The following TRAPPC9 variants were observed in gnomAD, a reference collection of about 807,000 sequenced individuals.
The protein encoded by TRAPPC9 is trafficking protein particle complex subunit 9, also known as IKK2 binding protein.
In TRAPPC9, 83 loss-of-function variants were observed where a neutral mutation model predicts 124.0. The observed-to-expected ratio is 0.67, with a 90% CI of 0.56 to 0.80. TRAPPC9 has a LOEUF of 0.80. Among genes scored for constraint, TRAPPC9 ranks in the 30% least tolerant of loss-of-function variants. The pLI is 0.00. For synonymous variants in TRAPPC9, 638 were observed against 617.5 expected (o/e 1.03, Z -0.49); for missense variants, 1,302 against 1,508.3 (o/e 0.86, Z 2.27).
chr8:139,940,183 G>A (rs1392909761), intron 19 of TRAPPC9, among the ~76,000 whole-genome samples: 1 of 152,148 alleles, frequency 6.6e-6, no homozygotes, highest in African/African-American at 2.4e-5. Flanking sequence ...CAGACACAAG[G>A]AGCGCAGGTG....
chr8:139,886,887 T>A (rs1405708333), intron 20 of TRAPPC9, among the ~76,000 whole-genome samples: 1 of 152,102 alleles, frequency 6.6e-6, no homozygotes, highest in Non-Finnish European at 1.5e-5. Context: ...CCAGGGACAG[T>A]CCTATGGGAA....
At chr8:139,755,278 C>T (rs533779174) in intron 21 of TRAPPC9, among the ~76,000 whole-genome samples, 19 of 150,930 alleles carry the variant, frequency 1.3e-4, no homozygotes, top group South Asian at 4.2e-4. Flanking sequence ...ATGAGGACAG[C>T]GTGTCGCAGG....
intron 17 of TRAPPC9, among the ~76,000 whole-genome samples, chr8:140,085,589 G>A (rs1844135838): frequency 1.3e-5 from 2 of 152,208 alleles, no homozygotes; most frequent in Admixed American, 6.5e-5. Context: ...CCGACGTGCT[G>A]GAGGGAGCCC....
At chr8:140,239,484 CAAGT>C (rs1316273546) in intron 16 of TRAPPC9, among the ~76,000 whole-genome samples, 10 of 152,202 alleles carry the variant, frequency 6.6e-5, no homozygotes, top group East Asian at 3.9e-4. Flanking sequence ...GAACAAAAAA[CAAGT>C]AAGACTCCGG....
At chr8:140,349,819 T>A (rs1338202717) in intron 9 of TRAPPC9, among the ~76,000 whole-genome samples, 3 of 152,092 alleles carry the variant, frequency 2.0e-5, no homozygotes, top group Non-Finnish European at 4.4e-5. Flanking sequence ...GAAGAAGACC[T>A]GATGAGGGTA....
intron 17 of TRAPPC9, among the ~76,000 whole-genome samples, chr8:140,032,821 A>T (rs962931110): frequency 2.0e-5 from 3 of 152,224 alleles, no homozygotes; most frequent in Admixed American, 6.5e-5. Context: ...TGTTCAACTG[A>T]AAGTCGAACC....
rs1448732979 is a variant in TRAPPC9, at chr8:139,729,721, T to C, written c.*1340A>G. Among the ~76,000 whole-genome samples, 7 of 152,218 alleles carry C rather than the reference T, an allele frequency of 4.6e-5. No individual in the cohort carries two copies. The highest frequency in any genetic ancestry group is 1.4e-4 in the African/African-American group (6 of 41,460). ...CTGGGACTTCAGGTCCTCAGGAAGT[T>C]CCCTCAGCCCCGCAGGCCTCCTGAT... On this transcript the variant is annotated 3_prime_UTR_variant, in exon 23 of 23. Transcript: ENST00000438773.
intron 17 of TRAPPC9, among the ~76,000 whole-genome samples, chr8:140,105,252 G>A (rs978864744): frequency 3.3e-5 from 5 of 152,184 alleles, no homozygotes; most frequent in African/African-American, 7.2e-5. Flanking sequence ...AGTGGTTGAC[G>A]CATAATAAAT....
Position 140,176,672 on chromosome 8 carries a change from T to C in TRAPPC9, c.2556+44787A>G, listed in dbSNP as rs73362985. Among the ~76,000 whole-genome samples, 891 of 152,296 alleles carry C rather than the reference T, an allele frequency of 5.9e-3. 10 individuals are homozygous for C. The highest frequency in any genetic ancestry group is 0.02 in the African/African-American group (852 of 41,566). On this transcript the variant is annotated intron_variant, in intron 17 of 22. Transcript: ENST00000438773. ...CGTGTTTTCATTTTCCTAAGGTACA[T>C]AGGGGAGAAGAGGAATTGCTGGGTC...
At position 140,241,890 on chromosome 8, in the gene TRAPPC9, C is replaced by T. The variant is rs964991788; in HGVS notation, c.2431+10887G>A. On this transcript the variant is annotated intron_variant, in intron 16 of 22. Transcript: ENST00000438773. This position sits in a 1 kb window ranked among gnomAD's most constrained non-coding sequence, Gnocchi z 5.0. ...AAGAAGCTGCTCTGACCAGGCCTCACTGCATACTGGGAAAGGAGAGAGCAC... is the reference window on the plus strand; with the variant it reads ...AAGAAGCTGCTCTGACCAGGCCTCATTGCATACTGGGAAAGGAGAGAGCAC... 1.8e-4 allele frequency among the ~76,000 whole-genome samples: 27 copies of T among 152,142 alleles called. No homozygotes were observed. The highest frequency in any genetic ancestry group is 5.3e-4 in the African/African-American group (22 of 41,432).
At chr8:139,784,608 CAT>C (rs34583867) in intron 21 of TRAPPC9, among the ~76,000 whole-genome samples, 3,932 of 88,446 alleles carry the variant, frequency 0.044, 117 homozygotes, top group Admixed American at 0.082. Context: ...AAAAGACTGA[CAT>C]ATATATATAT....
chr8:140,298,796 G>A (rs188183748), intron 11 of TRAPPC9, among the ~76,000 whole-genome samples: 15 of 152,302 alleles, frequency 9.8e-5, no homozygotes, highest in East Asian at 1.9e-4. Flanking sequence ...CTTAAACGTC[G>A]TGAATCAGTT....
At chr8:139,988,692 C>T (rs757676601) in intron 19 of TRAPPC9, 34 bp downstream of exon 19, 2 of 1,432,850 alleles carry the variant, frequency 1.4e-6, no homozygotes, top group African/African-American at 1.4e-5. Context: ...CAGAGGGTGG[C>T]CTGCGGCGGC....
intron 11 of TRAPPC9, among the ~76,000 whole-genome samples, chr8:140,298,874 T>C (rs976206517): frequency 6.6e-5 from 10 of 152,228 alleles, no homozygotes; most frequent in African/African-American, 2.4e-4. Flanking sequence ...CATTCTTTTG[T>C]CACTGCTCCA....
chr8:139,744,401 G>A (rs1323807506), intron 21 of TRAPPC9, among the ~76,000 whole-genome samples: 2 of 152,120 alleles, frequency 1.3e-5, no homozygotes, highest in African/African-American at 2.4e-5. Flanking sequence ...CTGGGAAGGG[G>A]CCTTCTCTCA....
At chr8:140,225,665 T>C (rs1191820877) in intron 16 of TRAPPC9, among the ~76,000 whole-genome samples, 2 of 152,188 alleles carry the variant, frequency 1.3e-5, no homozygotes, top group Non-Finnish European at 2.9e-5. Flanking sequence ...AGCGGACCTC[T>C]AAGCAAGCAT....
chr8:139,836,101 C>A, intron 21 of TRAPPC9, among the ~76,000 whole-genome samples: 1 of 152,128 alleles, frequency 6.6e-6, no homozygotes, highest in East Asian at 1.9e-4. Flanking sequence ...CTCCACTTCC[C>A]AGGTTCAGGT....
At chr8:140,247,966 G>C (rs1005927985) in intron 16 of TRAPPC9, among the ~76,000 whole-genome samples, 5 of 152,006 alleles carry the variant, frequency 3.3e-5, no homozygotes. Flanking sequence ...AGCTCATTAT[G>C]GGTTTTTGTA....
intron 18 of TRAPPC9, among the ~76,000 whole-genome samples, chr8:140,015,465 A>T (rs1839404103): frequency 6.6e-6 from 1 of 152,206 alleles, no homozygotes; most frequent in African/African-American, 2.4e-5. Context: ...CCAAGAGCCG[A>T]AAATGCATAC....
Sources: gnomAD v4.1 joint callset for allele counts (sites outside exome capture counted in the v4.1 genomes callset) on GRCh38, gnomAD v4.1.1 for gene constraint, Gnocchi (gnomAD v3.1) non-coding constraint, MANE v1.5 for transcripts, NCBI Gene and HGNC (gene_info 2026-07-23, HGNC 2026-07-21) for gene names.